HERC1: variants seen among roughly 807,000 people sequenced by gnomAD.
HERC1 encodes probable E3 ubiquitin-protein ligase HERC1.
In HERC1, 160 loss-of-function variants were observed where a neutral mutation model predicts 554.3. The ratio of observed to expected loss-of-function variants is 0.29; its 90% CI spans 0.25 to 0.33. The LOEUF is 0.33. Ranked by LOEUF, HERC1 falls within the 10% of genes least tolerant of loss-of-function variation. The probability of loss-of-function intolerance (pLI) is 1.00; values close to 1 mark genes in which losing one functional copy is unlikely to be tolerated. For synonymous variants in HERC1, 2,175 were observed against 2,131.7 expected (o/e 1.02, Z -0.56); for missense variants, 4,919 against 5,918.5 (o/e 0.83, Z 5.54).
At position 63,635,975 on chromosome 15, in the gene HERC1, C is replaced by T; in HGVS notation, c.12400G>A (p.Glu4134Lys). 2 of 1,613,976 alleles carry T rather than the reference C, an allele frequency of 1.2e-6. No homozygotes were observed. The highest frequency in any genetic ancestry group is 1.7e-6 in the Non-Finnish European group (2 of 1,179,872). ...TCCTGCCTGACCTGCACCACTTCTT[C>T]TCCTTGTAAGGCCTCGATCTGCCTG... ...RPRQIEALQG[E>K]EVVQMSCGFK... is the part of the protein sequence containing the mutation. The change falls in exon 65 of 78, where the codon GAA (glutamate) becomes AAA (lysine). Residue 4134 changes from glutamate to lysine, a missense_variant. By Grantham distance (56) the Glu-to-Lys change is moderately conservative. Transcript: ENST00000443617.
intron 24 of HERC1, among the ~76,000 whole-genome samples, chr15:63,709,416 A>G (rs1307376394): frequency 2.0e-5 from 3 of 152,150 alleles, no homozygotes; most frequent in African/African-American, 7.2e-5. Context: ...TCTAAGCTCA[A>G]TCCTCCTCCA....
chr15:63,718,883 T>C lies in HERC1; in HGVS notation c.3757A>G (p.Thr1253Ala). 1.2e-6 allele frequency: 2 copies of C among 1,609,470 alleles called. No homozygotes were observed. The highest frequency in any genetic ancestry group is 1.7e-6 in the Non-Finnish European group (2 of 1,176,484). ...YAVSKDWDSATLSNESLLDTV... is the reference protein window; with the variant it reads ...YAVSKDWDSAALSNESLLDTV... ...TCCAAGAGTGACTCATTACTTAAAGTTGCACTGTCCCAATCTGAAAATAAA... is the reference window on the plus strand; with the variant it reads ...TCCAAGAGTGACTCATTACTTAAAGCTGCACTGTCCCAATCTGAAAATAAA... The change falls in exon 20 of 78, where the codon ACT (threonine) becomes GCT (alanine). Residue 1253 changes from threonine to alanine, a missense_variant. This residue lies in a region of HERC1 where 1,121 missense variants were observed against 1,244.0 expected (regional missense o/e 0.90). Coordinates refer to ENST00000443617, the MANE Select transcript of HERC1 (RefSeq NM_003922.4). This position sits in a 1 kb window ranked among gnomAD's most constrained non-coding sequence, Gnocchi z 4.2.
intron 40 of HERC1, among the ~76,000 whole-genome samples, 199 bp from the exon 41 acceptor site, chr15:63,666,671 A>G (rs950235473): frequency 2.0e-5 from 3 of 152,126 alleles, no homozygotes; most frequent in Admixed American, 2.0e-4. Context: ...CTTTGTAAAG[A>G]TTTGTGTAGA....
At chr15:63,671,203 C>CAA (rs371521135) in intron 39 of HERC1, among the ~76,000 whole-genome samples, 19,376 of 123,320 alleles carry the variant, frequency 0.16, 1,975 homozygotes, top group Middle Eastern at 0.27. Context: ...AACTTTGTCT[C>CAA]AAAAAAAAAA....
intron 1 of HERC1, among the ~76,000 whole-genome samples, chr15:63,826,487 A>G (rs2145930402): frequency 6.6e-6 from 1 of 152,206 alleles, no homozygotes; most frequent in East Asian, 1.9e-4. Flanking sequence ...TTCTAGCCTA[A>G]GAAATATTCT....
chr15:63,611,506 C>A (rs2067589594), intron 77 of HERC1, among the ~76,000 whole-genome samples: 2 of 152,232 alleles, frequency 1.3e-5, no homozygotes, highest in South Asian at 4.1e-4. Context: ...GCCTGCTCCA[C>A]AAGGCACACA....
intron 12 of HERC1, among the ~76,000 whole-genome samples, chr15:63,739,194 A>ATATATAT (rs1567071803): frequency 7.9e-5 from 4 of 50,640 alleles, no homozygotes; most frequent in African/African-American, 2.7e-4. Context: ...CCACTAATAT[A>ATATATAT]CTTTTTTTTT....
At chr15:63,757,110 A>C (rs1016641043) in intron 4 of HERC1, among the ~76,000 whole-genome samples, 2 of 152,118 alleles carry the variant, frequency 1.3e-5, no homozygotes, top group African/African-American at 4.8e-5. Flanking sequence ...AACCATATAA[A>C]ATGTATTCTA....
In HERC1 at chr15:63,713,473, C is replaced by T. The variant is rs1034621276; in HGVS notation, c.4343G>A (p.Arg1448Gln). Residue 1448 changes from arginine to glutamine, a missense_variant, in exon 23 of 78, where the codon CGG becomes CAG. Physicochemically the swap from Arg to Gln is conservative, Grantham distance 43 (BLOSUM62 1). Transcript: ENST00000443617. ...TACTCCTAATATTAACAGGGCACAC[C>T]GATGGATCACGGAGTTGCATGCAGC... is the stretch of plus-strand genomic sequence containing the variant. ...YTAACNSVIH[R>Q]CALLILGVSP... 6.2e-7 allele frequency: 1 copy of T among 1,613,958 alleles called. No homozygotes were observed. The highest frequency in any genetic ancestry group is 1.7e-5 in the Admixed American group (1 of 60,022).
At position 63,643,076 on chromosome 15, in the gene HERC1, T is replaced by A; in HGVS notation, c.11332-18A>T. 7.0e-7 allele frequency: 1 copy of A among 1,423,378 alleles called. No homozygotes were observed. The highest frequency in any genetic ancestry group is 2.3e-5 in the East Asian group (1 of 43,798). The allele number at this position is 1,423,378 out of a possible 1,614,324, so 88.2% of individuals were successfully genotyped here. A position where few individuals can be genotyped will look rare whatever the true frequency, so the allele number is the denominator to read the frequency against. ...GAGCCATCCTAAAATGAGATATATT[T>A]ACCAATACACACCATTGAACTGTAG... On this transcript the variant is annotated intron_variant, in intron 58 of 77. Transcript: ENST00000443617.
chr15:63,723,050 A>G (rs981661313), intron 19 of HERC1, 132 bp downstream of exon 19: 4 of 538,668 alleles, frequency 7.4e-6, no homozygotes, highest in Non-Finnish European at 8.8e-6. Context: ...TTGTTTAAAA[A>G]TGTTAATAAA....
At chr15:63,814,121 T>C (rs1035032043) in intron 1 of HERC1, among the ~76,000 whole-genome samples, 2 of 152,140 alleles carry the variant, frequency 1.3e-5, no homozygotes, top group Non-Finnish European at 2.9e-5. Flanking sequence ...TAAAACTATA[T>C]GTACAGAATT....
intron 1 of HERC1, among the ~76,000 whole-genome samples, chr15:63,808,124 CA>C (rs148179105): frequency 2.2e-3 from 318 of 144,758 alleles, no homozygotes; most frequent in East Asian, 9.1e-3. Context: ...TTCTAGTTGA[CA>C]AAAAAAAAAA....
chr15:63,757,907 A>T (rs1006864530), intron 4 of HERC1, among the ~76,000 whole-genome samples: 1 of 151,394 alleles, frequency 6.6e-6, no homozygotes, highest in Non-Finnish European at 1.5e-5. Flanking sequence ...ATAGGGTTTC[A>T]CCATATTGGC....
intron 1 of HERC1, among the ~76,000 whole-genome samples, chr15:63,790,662 T>C (rs1178448900): frequency 2.0e-5 from 3 of 151,674 alleles, no homozygotes; most frequent in Non-Finnish European, 2.9e-5. Flanking sequence ...GCCCAGGGGG[T>C]TGGTGGGTAT....
intron 7 of HERC1, among the ~76,000 whole-genome samples, chr15:63,753,577 A>G (rs1248127942): frequency 6.6e-6 from 1 of 152,074 alleles, no homozygotes; most frequent in African/African-American, 2.4e-5. Flanking sequence ...ATCCAACCAC[A>G]CCAGGAATAA....
chr15:63,628,935 G>C (rs780003577), intron 69 of HERC1, 120 bp from the exon 70 acceptor site: 114 of 886,236 alleles, frequency 1.3e-4, no homozygotes, highest in Non-Finnish European at 1.8e-4. Context: ...CCATGCATCA[G>C]CATCAATAAA....
In HERC1 at chr15:63,643,469, TAAAGGC is replaced by T. The variant is rs1566966243; in HGVS notation, c.11260_11265del (p.Ala3754_Phe3755del). ...GACACCAGGGCCAACCCATCAGAAC[TAAAGGC>T]AACAGTCCGAACAGGAGTGATGTGT... On this transcript the variant is annotated inframe_deletion, in exon 58 of 78. Transcript: ENST00000443617. The T allele has an allele frequency of 6.2e-7, 1 of 1,613,152 alleles. No individual in the cohort carries two copies. The highest frequency in any genetic ancestry group is 1.1e-5 in the South Asian group (1 of 90,874).
intron 34 of HERC1, 59 bp downstream of exon 34, chr15:63,686,300 A>C (rs1054296922): frequency 7.9e-7 from 1 of 1,260,074 alleles, no homozygotes; most frequent in Non-Finnish European, 1.1e-6. Flanking sequence ...TATTATAAGA[A>C]CCTGGAAAAA....
Sources: gnomAD v4.1 joint callset for allele counts (sites outside exome capture counted in the v4.1 genomes callset) on GRCh38, gnomAD v4.1.1 for gene constraint, gnomAD v4.1.1 regional missense constraint, Gnocchi (gnomAD v3.1) non-coding constraint, MANE v1.5 for transcripts, NCBI Gene and HGNC (gene_info 2026-07-23, HGNC 2026-07-21) for gene names.